Variants in KCNAB1 observed in about 807,000 individuals in gnomAD.
KCNAB1 encodes potassium voltage-gated channel subfamily A regulatory beta subunit 1, also known as voltage-gated potassium channel subunit beta-1.
KCNAB1 carries 35 observed loss-of-function variants against 64.6 expected under a neutral mutation model. The ratio of observed to expected loss-of-function variants is 0.54; its 90% CI spans 0.41 to 0.72. The LOEUF (loss-of-function observed/expected upper bound fraction) is 0.72. Among genes scored for constraint, KCNAB1 ranks in the 30% least tolerant of loss-of-function variants. The pLI, the probability that KCNAB1 is intolerant of heterozygous loss-of-function variation, is 0.00. For missense variants in KCNAB1, 401 were observed against 512.9 expected (o/e 0.78, Z 2.11); for synonymous variants, 177 against 183.8 (o/e 0.96, Z 0.30).
rs1713627041 is a variant in KCNAB1, at chr3:156,468,748, T to C, written c.571+3062T>C. On this transcript the variant is annotated intron_variant, in intron 7 of 13. Transcript: ENST00000490337. ...ATGGATAAGGATACTCTTTACTAAG[T>C]AGTGACATTCTGAAACAGCTACAAT... Among the ~76,000 whole-genome samples, 3 of 152,208 alleles carry C rather than the reference T, an allele frequency of 2.0e-5. No individual in the cohort carries two copies. In the South Asian group the frequency reaches 6.2e-4, roughly 32 times the overall value.
downstream of KCNAB1, chr3:156,539,001 A>AAAT (rs1199929540): frequency 2.1e-5 from 3 of 141,514 alleles, no homozygotes; most frequent in African/African-American, 5.4e-5. Context: ...CTGTCATGGT[A>AAAT]AATATACTAA....
intron 1 of KCNAB1, among the ~76,000 whole-genome samples, chr3:156,221,328 C>T (rs1715717197): frequency 6.6e-6 from 1 of 152,118 alleles, no homozygotes; most frequent in Admixed American, 6.5e-5. Flanking sequence ...TGGCCATTTT[C>T]ACGATATTGA....
intron 7 of KCNAB1, among the ~76,000 whole-genome samples, chr3:156,472,111 C>G (rs1422913210): frequency 2.0e-5 from 3 of 152,094 alleles, no homozygotes; most frequent in Non-Finnish European, 4.4e-5. Context: ...CCGACCACCT[C>G]CGGTTGGCTT....
chr3:156,224,678 T>C (rs1476930816), intron 1 of KCNAB1, among the ~76,000 whole-genome samples: 1 of 152,052 alleles, frequency 6.6e-6, no homozygotes, highest in Admixed American at 6.5e-5. Context: ...GATAGACCAT[T>C]AGAGAGATTA....
chr3:156,498,543 C>T (rs1716160986), intron 8 of KCNAB1, among the ~76,000 whole-genome samples: 1 of 152,188 alleles, frequency 6.6e-6, no homozygotes, highest in Non-Finnish European at 1.5e-5. Context: ...ATGTCTTCCT[C>T]CCCAGCCATA....
chr3:156,124,215 C>CTT (rs545733860), intron 1 of KCNAB1, among the ~76,000 whole-genome samples: 4 of 142,980 alleles, frequency 2.8e-5, no homozygotes, highest in East Asian at 2.0e-4. Flanking sequence ...TATTTCTTTT[C>CTT]TTTTTTTTTT....
In KCNAB1 at chr3:156,404,920, G is replaced by A. The variant is rs549586452; in HGVS notation, c.276-16696G>A. Among the ~76,000 whole-genome samples, 20 of 152,326 alleles carry A rather than the reference G, an allele frequency of 1.3e-4. 1 individual carries two copies. The South Asian group carries it at 1.9e-3, about 14-fold the overall frequency. On this transcript the variant is annotated intron_variant, in intron 1 of 13. Transcript: ENST00000490337. ...CTGTTTTGGGAAAATGAAAAGAAAG[G>A]AAGGTATCAGCCGTAAAAGAGATGT...
chr3:156,401,942 G>GAGAAA (rs1713925375), intron 1 of KCNAB1, among the ~76,000 whole-genome samples: 1 of 151,288 alleles, frequency 6.6e-6, no homozygotes, highest in South Asian at 2.1e-4. Context: ...AAACAAGAAA[G>GAGAAA]AGAAAAGAAA....
intron 1 of KCNAB1, chr3:156,217,832 G>C (rs189836291): frequency 6.6e-6 from 1 of 152,300 alleles, no homozygotes; most frequent in African/African-American, 2.4e-5. Flanking sequence ...GGTAACGCCA[G>C]TATCAGGAAT....
intron 1 of KCNAB1, among the ~76,000 whole-genome samples, chr3:156,175,219 A>G (rs1712273433): frequency 1.3e-5 from 2 of 152,302 alleles, no homozygotes; most frequent in South Asian, 4.1e-4. Context: ...CAGAAAGAAA[A>G]TATCCTACAA....
chr3:156,408,209 C>G lies in KCNAB1; in HGVS notation c.276-13407C>G, dbSNP rs77577295. On this transcript the variant is annotated intron_variant, in intron 1 of 13. Coordinates refer to ENST00000490337, the MANE Select transcript of KCNAB1 (RefSeq NM_172160.3). ...ACTCAGCAGGGACCCTATCCCACGTCTCAGGGCCCTTCTAGGCCTACTTGT... is the reference window on the plus strand; with the variant it reads ...ACTCAGCAGGGACCCTATCCCACGTGTCAGGGCCCTTCTAGGCCTACTTGT... Among the ~76,000 whole-genome samples, 601 of 152,288 alleles carry G rather than the reference C, an allele frequency of 3.9e-3. 14 individuals carry two copies. In the East Asian group the frequency reaches 0.053, roughly 13 times the overall value.
chr3:156,448,380 A>G (rs1711741199), intron 2 of KCNAB1, among the ~76,000 whole-genome samples: 1 of 152,224 alleles, frequency 6.6e-6, no homozygotes, highest in Admixed American at 6.5e-5. Flanking sequence ...ATATTAACTA[A>G]CAAGTCACCT....
In KCNAB1 at chr3:156,395,317, G is replaced by A. The variant is rs567799603; in HGVS notation, c.276-26299G>A. On this transcript the variant is annotated intron_variant, in intron 1 of 13. Coordinates refer to ENST00000490337, the MANE Select transcript of KCNAB1 (RefSeq NM_172160.3). ...TCCCAGCACTTTGGGAGGCCGAGGC[G>A]GGCGGATCACGAGGTCAGGAGATCG... Among the ~76,000 whole-genome samples, 5 of 149,344 alleles carry A rather than the reference G, an allele frequency of 3.3e-5. No homozygotes were observed. The South Asian group carries it at 1.0e-3, about 31-fold the overall frequency.
At chr3:156,524,192 G>T in intron 12 of KCNAB1, 1 of 391,208 alleles carries the variant, frequency 2.6e-6, no homozygotes, top group Non-Finnish European at 4.6e-6. Flanking sequence ...GAACATGTCA[G>T]TGATAACATA....
chr3:156,280,348 C>A (rs1197063319), intron 1 of KCNAB1, among the ~76,000 whole-genome samples: 9 of 150,910 alleles, frequency 6.0e-5, no homozygotes, highest in Non-Finnish European at 1.3e-4. Flanking sequence ...GGTACCAGTA[C>A]CATGCTGTTT....
At chr3:156,394,681 A>T (rs1422811773) in intron 1 of KCNAB1, among the ~76,000 whole-genome samples, 1 of 152,234 alleles carries the variant, frequency 6.6e-6, no homozygotes, top group African/African-American at 2.4e-5. Context: ...TTCTGCCTTC[A>T]TGTTACCCTC....
chr3:156,335,852 G>GT (rs1560202405), intron 1 of KCNAB1, among the ~76,000 whole-genome samples: 415 of 114,814 alleles, frequency 3.6e-3, no homozygotes, highest in African/African-American at 0.018. Flanking sequence ...AAATTGTTTG[G>GT]GTTTTTTTTT....
intron 12 of KCNAB1, among the ~76,000 whole-genome samples, chr3:156,527,328 T>C (rs1404835592): frequency 2.0e-5 from 3 of 152,170 alleles, no homozygotes; most frequent in Admixed American, 2.0e-4. Context: ...GGAAATTATA[T>C]ATATAAAGCA....
rs79128010 is a variant in KCNAB1, at chr3:156,142,222, C to T, written c.275+21336C>T. ...AATTTGCTTTTTAAAATCCCCTTCA[C>T]GTGGTATTTCATAGAGCAGAAGTTG... On this transcript the variant is annotated intron_variant, in intron 1 of 13. Transcript: ENST00000490337. Among the ~76,000 whole-genome samples the T allele has an allele frequency of 9.2e-3, 1,399 of 152,272 alleles. 29 individuals carry two copies. The highest frequency in any genetic ancestry group is 0.031 in the African/African-American group (1,287 of 41,550).
Sources: gnomAD v4.1 joint callset for allele counts (sites outside exome capture counted in the v4.1 genomes callset) on GRCh38, gnomAD v4.1.1 for gene constraint, MANE v1.5 for transcripts, NCBI Gene and HGNC (gene_info 2026-07-23, HGNC 2026-07-21) for gene names.